The following ST6GALNAC3 variants were observed in gnomAD, a reference collection of about 807,000 sequenced individuals.
The protein encoded by ST6GALNAC3 is alpha-N-acetylgalactosaminide alpha-2,6-sialyltransferase 3.
Under a neutral mutation model 32.7 loss-of-function variants are expected in ST6GALNAC3, and 25 were observed. The observed-to-expected ratio is 0.76, with a 90% CI of 0.56 to 1.07. ST6GALNAC3 has a LOEUF of 1.07. ST6GALNAC3 is among the 50% of genes least tolerant of loss of function. The pLI is 0.00. For missense variants in ST6GALNAC3, 355 were observed against 382.4 expected, an observed-to-expected ratio of 0.93 and a Z score of 0.60; for synonymous variants, 129 against 133.1, an observed-to-expected ratio of 0.97 and a Z score of 0.21.
chr1:76,176,353 G>A (rs1457577057), intron 1 of ST6GALNAC3, among the ~76,000 whole-genome samples: 1 of 152,142 alleles, frequency 6.6e-6, no homozygotes, highest in African/African-American at 2.4e-5. Flanking sequence ...GCTCATTGCT[G>A]GAAGGTCACA....
At chr1:76,235,193 C>A (rs1239127683) in intron 1 of ST6GALNAC3, among the ~76,000 whole-genome samples, 1 of 152,164 alleles carries the variant, frequency 6.6e-6, no homozygotes, top group Non-Finnish European at 1.5e-5. Flanking sequence ...CAAAAGCATA[C>A]ATGTGAGTGT....
chr1:76,254,275 G>A (rs945428259), intron 1 of ST6GALNAC3, among the ~76,000 whole-genome samples: 2 of 152,084 alleles, frequency 1.3e-5, no homozygotes, highest in African/African-American at 4.8e-5. Context: ...AGAAGGAAAC[G>A]AGTGTTAAGC....
chr1:76,233,153 C>T (rs1240460600), intron 1 of ST6GALNAC3, among the ~76,000 whole-genome samples: 2 of 152,158 alleles, frequency 1.3e-5, no homozygotes, highest in Non-Finnish European at 2.9e-5. Context: ...CACCTCCTCC[C>T]AAATTCTTCT....
chr1:76,156,837 T>C (rs1171684825), intron 1 of ST6GALNAC3, among the ~76,000 whole-genome samples: 1 of 152,230 alleles, frequency 6.6e-6, no homozygotes, highest in Non-Finnish European at 1.5e-5. Context: ...GTTCACGCCA[T>C]TCTCCTGCCT....
At chr1:76,112,512 G>T (rs534806398) in intron 1 of ST6GALNAC3, among the ~76,000 whole-genome samples, 3 of 151,488 alleles carry the variant, frequency 2.0e-5, no homozygotes, top group African/African-American at 7.3e-5. Context: ...CTGGCCGGGC[G>T]GGGTATTGAC....
At chr1:76,262,872 AC>A (rs750349480) in intron 1 of ST6GALNAC3, among the ~76,000 whole-genome samples, 30 of 152,140 alleles carry the variant, frequency 2.0e-4, no homozygotes, top group Non-Finnish European at 4.0e-4. Context: ...CTGGTATTTC[AC>A]AACCTCTTGG....
chr1:76,207,172 G>A (rs72675919), intron 1 of ST6GALNAC3, among the ~76,000 whole-genome samples: 1 of 152,118 alleles, frequency 6.6e-6, no homozygotes, highest in Non-Finnish European at 1.5e-5. Context: ...CACAAAGTAG[G>A]TGTTAACCCC....
chr1:76,510,525 A>G (rs997712496), intron 3 of ST6GALNAC3, among the ~76,000 whole-genome samples: 1 of 152,220 alleles, frequency 6.6e-6, no homozygotes, highest in Admixed American at 6.5e-5. Flanking sequence ...AGAAGTAGAA[A>G]GTGAAGACAG....
intron 1 of ST6GALNAC3, among the ~76,000 whole-genome samples, chr1:76,114,611 C>T (rs1571186174): frequency 1.3e-5 from 2 of 152,040 alleles, no homozygotes; most frequent in Non-Finnish European, 2.9e-5. Context: ...ATGGGAAGAA[C>T]TAGAATGGAA....
chr1:76,224,068 C>A (rs1315991883), intron 1 of ST6GALNAC3, among the ~76,000 whole-genome samples: 1 of 152,166 alleles, frequency 6.6e-6, no homozygotes, highest in Non-Finnish European at 1.5e-5. Context: ...AGACTCACCC[C>A]ACACTGACCT....
intron 3 of ST6GALNAC3, among the ~76,000 whole-genome samples, chr1:76,455,241 A>AT (rs953475621): frequency 4.0e-5 from 6 of 150,850 alleles, no homozygotes; most frequent in South Asian, 2.1e-4. Context: ...TTATGCATGC[A>AT]TTTTTTTTCT....
intron 1 of ST6GALNAC3, among the ~76,000 whole-genome samples, chr1:76,251,625 G>A (rs1657622288): frequency 6.6e-6 from 1 of 152,100 alleles, no homozygotes; most frequent in Non-Finnish European, 1.5e-5. Context: ...CCAATCCAAA[G>A]TGAACTTGGA....
intron 1 of ST6GALNAC3, among the ~76,000 whole-genome samples, chr1:76,147,694 T>C (rs577732067): frequency 6.6e-6 from 1 of 152,354 alleles, no homozygotes; most frequent in African/African-American, 2.4e-5. Context: ...TACAACAGTG[T>C]CCAGCAAATG....
At chr1:76,609,611 T>C (rs1315347940) in intron 3 of ST6GALNAC3, among the ~76,000 whole-genome samples, 2 of 152,100 alleles carry the variant, frequency 1.3e-5, no homozygotes, top group South Asian at 2.1e-4. Context: ...ATGAAAAAAA[T>C]TGGGGGTGGG....
intron 1 of ST6GALNAC3, among the ~76,000 whole-genome samples, chr1:76,184,888 T>C (rs1653454353): frequency 6.6e-6 from 1 of 152,248 alleles, no homozygotes; most frequent in Non-Finnish European, 1.5e-5. Flanking sequence ...TTTCTACTCA[T>C]GTTGTCCAGT....
At chr1:76,529,744 A>G (rs1162291986) in intron 3 of ST6GALNAC3, among the ~76,000 whole-genome samples, 1 of 152,188 alleles carries the variant, frequency 6.6e-6, no homozygotes, top group Non-Finnish European at 1.5e-5. Context: ...AGGGACAGCA[A>G]TGAGTATGAA....
intron 3 of ST6GALNAC3, among the ~76,000 whole-genome samples, chr1:76,621,767 G>A (rs1648665732): frequency 6.6e-6 from 1 of 151,906 alleles, no homozygotes; most frequent in Admixed American, 6.6e-5. Context: ...AAAAATGAGG[G>A]AAAGAATGCT....
At chr1:76,395,604 C>G (rs924231065) in intron 2 of ST6GALNAC3, among the ~76,000 whole-genome samples, 6 of 150,720 alleles carry the variant, frequency 4.0e-5, no homozygotes, top group African/African-American at 1.5e-4. Context: ...CACACGCACA[C>G]ACACACACGC....
chr1:76,532,902 A>G (rs1360772868), intron 3 of ST6GALNAC3, among the ~76,000 whole-genome samples: 1 of 152,096 alleles, frequency 6.6e-6, no homozygotes, highest in African/African-American at 2.4e-5. Flanking sequence ...TTCTGCTGTC[A>G]TTTCAGACCT....
Sources: gnomAD v4.1 joint callset for allele counts (sites outside exome capture counted in the v4.1 genomes callset) on GRCh38, gnomAD v4.1.1 for gene constraint, MANE v1.5 for transcripts, NCBI Gene and HGNC (gene_info 2026-07-23, HGNC 2026-07-21) for gene names.